The following RARB variants were observed in gnomAD, a reference collection of about 807,000 sequenced individuals.
The protein encoded by RARB is retinoic acid receptor beta.
In RARB, 17 loss-of-function variants were observed where a neutral mutation model predicts 51.9. That is an observed-to-expected ratio of 0.33 (90% CI 0.22 to 0.49). The LOEUF (loss-of-function observed/expected upper bound fraction) is 0.49, where lower values mean the gene tolerates loss of function less well. Among genes scored for constraint, RARB ranks in the 20% least tolerant of loss-of-function variants. The pLI is 0.99. For missense variants in RARB, 369 were observed against 550.8 expected, an observed-to-expected ratio of 0.67 and a Z score of 3.30; for synonymous variants, 215 against 195.4, an observed-to-expected ratio of 1.10 and a Z score of -0.84.
chr3:25,338,538 C>T lies in RARB; in HGVS notation c.179-122655C>T, dbSNP rs80118460. 5.9e-3 allele frequency among the ~76,000 whole-genome samples: 901 copies of T among 152,278 alleles called. 3 individuals carry two copies. Among genetic ancestry groups the T allele is most frequent in the Non-Finnish European group, 1.0e-2 (680 of 68,024 alleles). ...TGGAATCATTTACACTCTCTAGTTA[C>T]TTTGACATCTAGCCAAAAGGCAGCT... On this transcript the variant is annotated intron_variant, in intron 5 of 11. Transcript: ENST00000383772.
At chr3:24,987,084 TA>T (rs1367680424) in intron 2 of RARB, among the ~76,000 whole-genome samples, 2 of 152,238 alleles carry the variant, frequency 1.3e-5, no homozygotes, top group African/African-American at 4.8e-5. Context: ...TTTGGTGCTA[TA>T]ACTCTTCTTA....
intron 5 of RARB, among the ~76,000 whole-genome samples, chr3:25,369,681 G>C (rs1020287886): frequency 1.5e-4 from 23 of 152,166 alleles, no homozygotes; most frequent in Non-Finnish European, 8.8e-5. Flanking sequence ...CCAGCACTTT[G>C]AGAGACCGAG....
chr3:25,353,220 A>C (rs189149187), intron 5 of RARB, among the ~76,000 whole-genome samples: 1 of 152,286 alleles, frequency 6.6e-6, no homozygotes, highest in East Asian at 1.9e-4. Flanking sequence ...GTGGTGATTA[A>C]GTTGATGGCA....
intron 2 of RARB, among the ~76,000 whole-genome samples, chr3:25,478,047 A>G (rs906616752): frequency 5.0e-4 from 76 of 152,262 alleles, no homozygotes; most frequent in African/African-American, 1.4e-3. Context: ...CCTCCTTACA[A>G]AATGGTGGTC....
intron 2 of RARB, among the ~76,000 whole-genome samples, chr3:24,862,181 G>A (rs889074906): frequency 2.0e-5 from 3 of 152,134 alleles, no homozygotes; most frequent in Non-Finnish European, 4.4e-5. Context: ...CTGCTGACCC[G>A]CATTTCCATC....
At chr3:25,552,489 C>T (rs369674018) in intron 3 of RARB, among the ~76,000 whole-genome samples, 2 of 152,040 alleles carry the variant, frequency 1.3e-5, no homozygotes, top group Non-Finnish European at 2.9e-5. Context: ...CATTCTCGTG[C>T]CAGTGGCTTG....
At chr3:25,279,054 T>C (rs1703459584) in intron 5 of RARB, among the ~76,000 whole-genome samples, 1 of 152,198 alleles carries the variant, frequency 6.6e-6, no homozygotes, top group Non-Finnish European at 1.5e-5. Context: ...AGAAATACCA[T>C]ACACTCATGC....
intron 3 of RARB, among the ~76,000 whole-genome samples, chr3:25,546,341 C>G (rs561040618): frequency 9.9e-5 from 15 of 152,088 alleles, no homozygotes; most frequent in Non-Finnish European, 2.1e-4. Context: ...TCTGCTCCGT[C>G]GAGCACAGAC....
chr3:25,146,499 G>GTTTTTT (rs1413825514), intron 4 of RARB, among the ~76,000 whole-genome samples: 4,533 of 103,518 alleles, frequency 0.044, 445 homozygotes, highest in Non-Finnish European at 0.067. Context: ...TAAGTTTTTT[G>GTTTTTT]TTTGTTTGTT....
chr3:25,554,688 G>T (rs1199190259), intron 3 of RARB, among the ~76,000 whole-genome samples: 1 of 152,150 alleles, frequency 6.6e-6, no homozygotes. Flanking sequence ...GCCTTAGTCT[G>T]TTTTCTGTTG....
intron 5 of RARB, among the ~76,000 whole-genome samples, chr3:25,403,959 A>G (rs1174912363): frequency 1.3e-5 from 2 of 149,154 alleles, no homozygotes; most frequent in African/African-American, 2.5e-5. Flanking sequence ...AAGCTTCCCT[A>G]ATAACTTTTT....
chr3:24,863,771 C>T (rs1051172353), intron 2 of RARB, among the ~76,000 whole-genome samples: 2 of 151,554 alleles, frequency 1.3e-5, no homozygotes, highest in Admixed American at 6.6e-5. Flanking sequence ...TAGACTAACA[C>T]TTTTCTAATC....
chr3:24,992,091 G>A (rs1231421434), intron 2 of RARB, among the ~76,000 whole-genome samples: 1 of 152,034 alleles, frequency 6.6e-6, no homozygotes, highest in African/African-American at 2.4e-5. Flanking sequence ...CCCTGGTCTG[G>A]GTTACCTTGA....
intron 3 of RARB, 110 bp downstream of exon 3, chr3:25,501,433 G>C (rs1281198685): frequency 9.5e-6 from 13 of 1,365,040 alleles, no homozygotes; most frequent in Non-Finnish European, 1.3e-5. Flanking sequence ...TCTTGCCAAG[G>C]GTAGGTGTGA....
At chr3:25,543,712 C>T (rs562763032) in intron 3 of RARB, among the ~76,000 whole-genome samples, 1 of 152,266 alleles carries the variant, frequency 6.6e-6, no homozygotes, top group East Asian at 1.9e-4. Flanking sequence ...AATAGCCTGC[C>T]AGTGGGGGCT....
At chr3:25,421,535 C>T (rs1439045349) in intron 5 of RARB, among the ~76,000 whole-genome samples, 1 of 151,110 alleles carries the variant, frequency 6.6e-6, no homozygotes, top group Non-Finnish European at 1.5e-5. Context: ...CCTTAGCCTC[C>T]CGCGTAGCTG....
In RARB at chr3:25,135,950, A is replaced by G. The variant is rs568680111; in HGVS notation, c.-280+3742A>G. Among the ~76,000 whole-genome samples the G allele has an allele frequency of 6.8e-3, 1,029 of 151,968 alleles. 8 individuals carry two copies. The highest frequency in any genetic ancestry group is 0.022 in the African/African-American group (929 of 41,492). On this transcript the variant is annotated intron_variant, in intron 4 of 11. Coordinates refer to the RARB transcript ENST00000383772. ...AATTCCTTTCATTAAAAAAAGAAAT[A>G]TAAAATTTTAAATGTTATACAAGAA...
chr3:25,158,286 T>C (rs1014156026), intron 4 of RARB, among the ~76,000 whole-genome samples: 3 of 152,256 alleles, frequency 2.0e-5, no homozygotes, highest in Non-Finnish European at 2.9e-5. Flanking sequence ...CCTTCAATTA[T>C]TAGAATGCTA....
At chr3:24,960,792 T>C (rs550687757) in intron 2 of RARB, among the ~76,000 whole-genome samples, 1 of 152,254 alleles carries the variant, frequency 6.6e-6, no homozygotes, top group Non-Finnish European at 1.5e-5. Context: ...GTGTGTCGCA[T>C]TGACACTTTC....
Sources: gnomAD v4.1 joint callset for allele counts (sites outside exome capture counted in the v4.1 genomes callset) on GRCh38, gnomAD v4.1.1 for gene constraint, MANE v1.5 for transcripts, NCBI Gene and HGNC (gene_info 2026-07-23, HGNC 2026-07-21) for gene names.